INPP4A: variants seen among roughly 807,000 people sequenced by gnomAD.
INPP4A encodes inositol polyphosphate-4-phosphatase type I A, also known as inositol polyphosphate-4-phosphatase, type I, 107kD.
INPP4A carries 33 observed loss-of-function variants against 119.8 expected under a neutral mutation model. That is an observed-to-expected ratio of 0.28 (90% CI 0.21 to 0.37). The LOEUF is 0.37. Among genes scored for constraint, INPP4A ranks in the 10% least tolerant of loss-of-function variants. INPP4A has a pLI of 1.00. For synonymous variants in INPP4A, 496 were observed against 500.7 expected, an observed-to-expected ratio of 0.99 and a Z score of 0.12; for missense variants, 956 against 1,289.9, an observed-to-expected ratio of 0.74 and a Z score of 3.97.
chr2:98,586,969 A>G (rs1700020157), intron 24 of INPP4A, among the ~76,000 whole-genome samples: 1 of 152,244 alleles, frequency 6.6e-6, no homozygotes, highest in Non-Finnish European at 1.5e-5. Context: ...ACGCCTTCCT[A>G]GCCAGCTGGC....
At chr2:98,468,254 G>A (rs560780215) in intron 1 of INPP4A, among the ~76,000 whole-genome samples, 1 of 152,176 alleles carries the variant, frequency 6.6e-6, no homozygotes, top group African/African-American at 2.4e-5. Flanking sequence ...TTGATTGATT[G>A]AGACAGGGTC....
chr2:98,471,298 A>C (rs796687431), intron 1 of INPP4A, among the ~76,000 whole-genome samples: 19 of 152,340 alleles, frequency 1.2e-4, no homozygotes, highest in African/African-American at 4.3e-4. Flanking sequence ...ACACAGGAGA[A>C]AAGGATGAAT....
intron 1 of INPP4A, among the ~76,000 whole-genome samples, chr2:98,474,005 G>T (rs1434787383): frequency 2.0e-5 from 3 of 152,210 alleles, no homozygotes; most frequent in African/African-American, 7.2e-5. Flanking sequence ...CCAGAGGCAA[G>T]CAGTTTGCCC....
chr2:98,589,295 G>C lies in INPP4A; in HGVS notation c.*1687G>C, dbSNP rs778061978. 7 of 186,180 alleles carry C rather than the reference G, an allele frequency of 3.8e-5. No individual in the cohort carries two copies. The highest frequency in any genetic ancestry group is 7.9e-5 in the Non-Finnish European group (7 of 88,148). 11.5% of individuals were successfully genotyped at this position (186,180 alleles called of 1,614,324 possible). On this transcript the variant is annotated 3_prime_UTR_variant, in exon 25 of 25. Coordinates refer to ENST00000409851, the MANE Select transcript of INPP4A (RefSeq NM_001134225.2). The stretch of plus-strand genomic sequence containing the variant: ...TTCTCCTTTTTAAGTGTCAATTTCT[G>C]TTCACAGACAGTTTGTTTTCAATAT...
intron 1 of INPP4A, among the ~76,000 whole-genome samples, chr2:98,512,269 G>A (rs1362722519): frequency 6.6e-6 from 1 of 152,236 alleles, no homozygotes; most frequent in African/African-American, 2.4e-5. Flanking sequence ...AAGCTCAGCA[G>A]CTCTTTCACC....
At chr2:98,473,043 G>T (rs1290308541) in intron 1 of INPP4A, among the ~76,000 whole-genome samples, 2 of 150,394 alleles carry the variant, frequency 1.3e-5, no homozygotes, top group Admixed American at 1.3e-4. Context: ...CAGTGTGGGT[G>T]CAGTGAAGAG....
chr2:98,519,400 A>G (rs376684280), intron 2 of INPP4A: 2 of 152,378 alleles, frequency 1.3e-5, no homozygotes, highest in African/African-American at 4.8e-5. Context: ...TTAGGCCCAG[A>G]TTACATGCTT....
At chr2:98,548,977 T>C (rs780215075) in intron 13 of INPP4A, 29 of 1,612,032 alleles carry the variant, frequency 1.8e-5, no homozygotes, top group African/African-American at 1.3e-5. Context: ...TTGGTGAGTT[T>C]TCTGTCTGTG....
intron 1 of INPP4A, among the ~76,000 whole-genome samples, chr2:98,515,556 G>GA (rs1228547663): frequency 6.6e-6 from 1 of 152,088 alleles, no homozygotes; most frequent in African/African-American, 2.4e-5. Context: ...ATGTGACCTT[G>GA]AAAAAAATCA....
Position 98,568,684 on chromosome 2 carries a change from G to A in INPP4A, c.2518+16G>A, listed in dbSNP as rs754805340. On this transcript the variant is annotated intron_variant, in intron 22 of 24. Transcript: ENST00000409851. ...CCTGAGGATTGTAAGTATTTCTTCAGTCATGGTAGGTTTCACTTACTCGTC... is the reference window on the plus strand; with the variant it reads ...CCTGAGGATTGTAAGTATTTCTTCAATCATGGTAGGTTTCACTTACTCGTC... 2.9e-6 allele frequency: 4 copies of A among 1,377,252 alleles called. No homozygotes were observed. The East Asian group carries it at 9.4e-5, about 32-fold the overall frequency. The allele number at this position is 1,377,252 out of a possible 1,614,324, so 85.3% of individuals were successfully genotyped here.
intron 21 of INPP4A, among the ~76,000 whole-genome samples, chr2:98,567,116 C>T (rs1159086497): frequency 1.3e-5 from 2 of 152,064 alleles, no homozygotes; most frequent in African/African-American, 2.4e-5. Flanking sequence ...TAAAGTAGGT[C>T]GTTTCGCTGG....
chr2:98,520,603 A>G (rs1291804329), intron 3 of INPP4A, 84 bp from the exon 4 acceptor site: 1 of 797,226 alleles, frequency 1.3e-6, no homozygotes, highest in Non-Finnish European at 2.1e-6. Context: ...GTTGGGGGGA[A>G]GTAGAGGGTC....
At chr2:98,489,873 C>G (rs945621015) in intron 1 of INPP4A, among the ~76,000 whole-genome samples, 4 of 105,010 alleles carry the variant, frequency 3.8e-5, no homozygotes, top group Non-Finnish European at 7.1e-5. Context: ...CCCCACCCCC[C>G]ACCCCATGCA....
At chr2:98,490,326 A>G (rs977457625) in intron 1 of INPP4A, among the ~76,000 whole-genome samples, 1 of 151,966 alleles carries the variant, frequency 6.6e-6, no homozygotes, top group African/African-American at 2.4e-5. Context: ...AGCATGCTGC[A>G]TATCACATGG....
At chr2:98,478,885 G>C (rs1677814737) in intron 1 of INPP4A, among the ~76,000 whole-genome samples, 1 of 152,188 alleles carries the variant, frequency 6.6e-6, no homozygotes, top group Admixed American at 6.5e-5. Flanking sequence ...TTTTTTTGTA[G>C]ATTGTTAGGA....
At chr2:98,501,954 A>G (rs952550923) in intron 1 of INPP4A, among the ~76,000 whole-genome samples, 1 of 152,224 alleles carries the variant, frequency 6.6e-6, no homozygotes, top group Non-Finnish European at 1.5e-5. Context: ...TGGCCTGTGC[A>G]GGTTTCTCTG....
intron 1 of INPP4A, among the ~76,000 whole-genome samples, chr2:98,464,189 G>A (rs1002955166): frequency 2.0e-5 from 3 of 152,156 alleles, no homozygotes; most frequent in Non-Finnish European, 2.9e-5. Context: ...ACAGGCTGGG[G>A]AAGGTTGGGA....
rs1345218172 is a variant in INPP4A, at chr2:98,520,048, C to G, written c.-1C>G. 11 of 1,578,168 alleles carry G rather than the reference C, an allele frequency of 7.0e-6. No individual in the cohort carries two copies. Among genetic ancestry groups the G allele is most frequent in the Non-Finnish European group, 9.5e-6 (11 of 1,160,252 alleles). On this transcript the variant is annotated 5_prime_UTR_variant, in exon 3 of 25. The change creates a new upstream start codon in the 5' untranslated region. Coordinates refer to ENST00000409851, the MANE Select transcript of INPP4A (RefSeq NM_001134225.2). The stretch of plus-strand genomic sequence containing the variant: ...AGAAGCACATCATCACCAATGACAT[C>G]ATGACAGCAAGAGAGCACAGCCCTC...
chr2:98,578,539 A>G (rs1698792086), intron 24 of INPP4A, among the ~76,000 whole-genome samples: 1 of 152,162 alleles, frequency 6.6e-6, no homozygotes, highest in African/African-American at 2.4e-5. Context: ...CTCTGAACAC[A>G]AAGACCTCAG....
Sources: gnomAD v4.1 joint callset for allele counts (sites outside exome capture counted in the v4.1 genomes callset) on GRCh38, gnomAD v4.1.1 for gene constraint, MANE v1.5 for transcripts, NCBI Gene and HGNC (gene_info 2026-07-23, HGNC 2026-07-21) for gene names.